Variants in CCDC187 observed in about 807,000 individuals in gnomAD.
CCDC187 encodes the protein coiled-coil domain containing 187, also known as coiled-coil domain-containing protein 187.
Under a neutral mutation model 38.0 loss-of-function variants are expected in CCDC187, and 32 were observed. The ratio of observed to expected loss-of-function variants is 0.84; its 90% CI spans 0.64 to 1.13. The LOEUF is 1.13. Among genes scored for constraint, CCDC187 ranks in the 50% most tolerant of loss-of-function variants. The pLI is 0.00. For missense variants in CCDC187, 707 were observed against 786.8 expected (o/e 0.90, Z 1.21); for synonymous variants, 333 against 347.9 (o/e 0.96, Z 0.48).
At chr9:136,300,367 A>G (rs973361080) in intron 2 of CCDC187, 49 bp from the exon 3 acceptor site, 3 of 398,062 alleles carry the variant, frequency 7.5e-6, no homozygotes, top group Non-Finnish European at 1.3e-5. Flanking sequence ...GAGATCCGCA[A>G]AGAACTTCCA....
chr9:136,290,922 C>T lies in CCDC187; in HGVS notation c.1691G>A (p.Arg564Lys), dbSNP rs1258198436. 3 of 398,574 alleles carry T rather than the reference C, an allele frequency of 7.5e-6. No homozygotes were observed. Among genetic ancestry groups the T allele is most frequent in the Non-Finnish European group, 1.3e-5 (3 of 226,140 alleles). The allele number at this position is 398,574 out of a possible 1,614,324, so 24.7% of individuals were successfully genotyped here. ...PGPRLRNPLE[R>K]PSPPAQRPWS... is the part of the protein sequence containing the mutation. ...GGGCCGCTGGGCTGGAGGACTGGGC[C>T]TTTCCAGAGGGTTCCGCAGTCTGGG... Residue 564 changes from arginine (R) to lysine (K), a missense_variant, in exon 6 of 26, where the codon AGG becomes AAG. Transcript: ENST00000638797.
intron 9 of CCDC187, among the ~76,000 whole-genome samples, chr9:136,283,713 G>T (rs939433708): frequency 1.3e-5 from 2 of 152,356 alleles, no homozygotes; most frequent in African/African-American, 4.8e-5. Flanking sequence ...TGCCAGGAAC[G>T]CTGAGACCTC....
intron 23 of CCDC187, 76 bp downstream of exon 23, chr9:136,256,629 G>A (rs1830615843): frequency 6.6e-6 from 1 of 152,342 alleles, no homozygotes; most frequent in Non-Finnish European, 1.5e-5. Flanking sequence ...GGATGGACCA[G>A]GAGACCCCTC....
chr9:136,286,478 A>G lies in CCDC187; in HGVS notation c.2440T>C (p.Ser814Pro), dbSNP rs1015453363. Residue 814 changes from serine (S) to proline (P), a missense_variant, in exon 8 of 26, where the codon TCC becomes CCC. Ser to Pro is a moderately conservative substitution (Grantham distance 74). Transcript: ENST00000638797. ...KEAEHLGTSS[S>P]LHLRHKQAQL... ...GCCTGCTTATGCCGGAGGTGCAGGGAGCTGGAAGTGCCCAGGTGCTCAGCC... is the reference window on the plus strand; with the variant it reads ...GCCTGCTTATGCCGGAGGTGCAGGGGGCTGGAAGTGCCCAGGTGCTCAGCC... The G allele has an allele frequency of 1.7e-4, 69 of 398,700 alleles. No individual in the cohort carries two copies. Among genetic ancestry groups the G allele is most frequent in the African/African-American group, 1.4e-3 (66 of 48,710 alleles). 24.7% of individuals were successfully genotyped at this position (398,700 alleles called of 1,614,324 possible).
intron 4 of CCDC187, among the ~76,000 whole-genome samples, chr9:136,293,426 C>T (rs1831418416): frequency 8.4e-5 from 3 of 35,530 alleles, no homozygotes; most frequent in South Asian, 5.9e-4. Context: ...CTCACATACT[C>T]TCACATGCTC....
In CCDC187 at chr9:136,254,328, C is replaced by G. The variant is rs1471713920; in HGVS notation, c.5500G>C (p.Ala1834Pro). The G allele has an allele frequency of 6.1e-6, 6 of 977,576 alleles. No individual in the cohort carries two copies. Among genetic ancestry groups the G allele is most frequent in the Non-Finnish European group, 7.3e-6 (6 of 823,218 alleles). The allele number at this position is 977,576 out of a possible 1,614,324, so 60.6% of individuals were successfully genotyped here. The change falls in exon 26 of 26, where the codon GCT becomes CCT. Residue 1834 changes from alanine to proline, a missense_variant. Transcript: ENST00000638797. ...GVRSGMEPQVALPSPWPGEGL... is the reference protein window; with the variant it reads ...GVRSGMEPQVPLPSPWPGEGL... Reference sequence around the variant, plus strand: ...TCCCCAGGCCATGGGGACGGAAGAGCCACCTGGGGCTCCATGCCGCTTCTG... The same window carrying G: ...TCCCCAGGCCATGGGGACGGAAGAGGCACCTGGGGCTCCATGCCGCTTCTG...
chr9:136,253,908 C>A lies in CCDC187; in HGVS notation c.5920G>T (p.Glu1974Ter), dbSNP rs1830580417. The change falls in exon 26 of 26, where the codon GAA becomes TAA. Residue 1974 changes from glutamate (E) to a stop codon, truncating the protein, a stop_gained. Transcript: ENST00000638797. LOFTEE classifies it low-confidence loss of function (END_TRUNC). Reference sequence around the variant, plus strand: ...TCACCGGCAAGTAGGGGACAGGCTTCCTCCAGGACAGTGGGGGCCCCATTC... The same window carrying A: ...TCACCGGCAAGTAGGGGACAGGCTTACTCCAGGACAGTGGGGGCCCCATTC... The part of the protein sequence containing the change: ...GGNGAPTVLE[E>*]ACPLLAGDVL... 1 of 906,466 alleles carries A rather than the reference C, an allele frequency of 1.1e-6. No homozygotes were observed. Among genetic ancestry groups the A allele is most frequent in the Non-Finnish European group, 1.3e-6 (1 of 757,734 alleles). 56.2% of individuals were successfully genotyped at this position (906,466 alleles called of 1,614,324 possible). A position where few individuals can be genotyped will look rare whatever the true frequency, so the allele number is the denominator to read the frequency against.
In CCDC187 at chr9:136,250,568, C is replaced by A. The variant is rs1225910818; in HGVS notation, c.*3026G>T. On this transcript the variant is annotated 3_prime_UTR_variant, in exon 26 of 26. Coordinates refer to ENST00000638797, the MANE Select transcript of CCDC187 (RefSeq NM_001378188.1). ...ATGGAAAAAAATAAAAAATCACAGACTAATTTGTTCAGAAGACTAGAAGGG... is the reference window on the plus strand; with the variant it reads ...ATGGAAAAAAATAAAAAATCACAGAATAATTTGTTCAGAAGACTAGAAGGG... 7 of 349,668 alleles carry A rather than the reference C, an allele frequency of 2.0e-5. No individual in the cohort carries two copies. The highest frequency in any genetic ancestry group is 3.4e-5 in the Non-Finnish European group (6 of 175,870). 21.7% of individuals were successfully genotyped at this position (349,668 alleles called of 1,614,324 possible). A position where few individuals can be genotyped will look rare whatever the true frequency, so the allele number is the denominator to read the frequency against.
chr9:136,272,761 C>T (rs1241488114), intron 14 of CCDC187, among the ~76,000 whole-genome samples: 2 of 151,474 alleles, frequency 1.3e-5, no homozygotes, highest in African/African-American at 2.4e-5. Context: ...GTGGTCCCAG[C>T]GACTTGGGAG....
rs1381962232 is a variant in CCDC187, at chr9:136,290,711, G to A, written c.1902C>T (p.His634=). The A allele has an allele frequency of 1.3e-5, 5 of 398,442 alleles. No homozygotes were observed. The highest frequency in any genetic ancestry group is 1.0e-4 in the African/African-American group (5 of 48,634). The allele number at this position is 398,442 out of a possible 1,614,324, so 24.7% of individuals were successfully genotyped here. A position where few individuals can be genotyped will look rare whatever the true frequency, so the allele number is the denominator to read the frequency against. ...TGAACTCCCGCAAGGACTCAGAGCTGTGCGAGGGTCCCAGGAGCCCCCGGG... is the reference window on the plus strand; with the variant it reads ...TGAACTCCCGCAAGGACTCAGAGCTATGCGAGGGTCCCAGGAGCCCCCGGG... ...PRSRGLLGPS[H]SSESLREFMR... The change falls in exon 6 of 26, where the codon CAC becomes CAT. Residue 634 remains histidine, a synonymous_variant. Transcript: ENST00000638797.
At chr9:136,298,237 C>T (rs982424912) in intron 3 of CCDC187, among the ~76,000 whole-genome samples, 14 of 152,298 alleles carry the variant, frequency 9.2e-5, no homozygotes, top group East Asian at 3.9e-4. Flanking sequence ...AATGACTGGA[C>T]GGGCCAGGCC....
chr9:136,270,876 C>T (rs1830829003), intron 14 of CCDC187, among the ~76,000 whole-genome samples: 1 of 152,204 alleles, frequency 6.6e-6, no homozygotes, highest in South Asian at 2.1e-4. Context: ...ATGCTATACC[C>T]ACCGGTTATC....
chr9:136,285,046 T>C (rs1213164889), intron 9 of CCDC187, among the ~76,000 whole-genome samples: 1 of 152,002 alleles, frequency 6.6e-6, no homozygotes, highest in Non-Finnish European at 1.5e-5. Flanking sequence ...GGAAGGGGCT[T>C]CAGATGTACC....
chr9:136,263,594 G>A (rs1333381812), intron 18 of CCDC187, 28 bp downstream of exon 18: 2 of 985,178 alleles, frequency 2.0e-6, no homozygotes, highest in African/African-American at 3.5e-5. Flanking sequence ...TTCTGCAGCT[G>A]AGTCCCAGCC....
Position 136,294,217 on chromosome 9 carries a change from C to T in CCDC187, c.833-1922G>A, listed in dbSNP as rs887478135. On this transcript the variant is annotated intron_variant, in intron 4 of 25. Transcript: ENST00000638797. ...ACATGTGCTCTCACACACACTCACA[C>T]GCTCATATACACACGCCCTCACGTG... Among the ~76,000 whole-genome samples the T allele has an allele frequency of 3.8e-3, 571 of 151,640 alleles. 4 individuals are homozygous for T. Among genetic ancestry groups the T allele is most frequent in the African/African-American group, 0.013 (554 of 41,278 alleles).
chr9:136,276,041 T>C (rs970153956), intron 12 of CCDC187, among the ~76,000 whole-genome samples, 153 bp downstream of exon 12: 6 of 152,138 alleles, frequency 3.9e-5, no homozygotes, highest in African/African-American at 1.4e-4. Context: ...GAGACTTTGC[T>C]TTAAAGGGAG....
In CCDC187 at chr9:136,298,277, G is replaced by A. The variant is rs1474822445; in HGVS notation, c.725-456C>T. 5.3e-5 allele frequency among the ~76,000 whole-genome samples: 8 copies of A among 152,312 alleles called. No individual in the cohort carries two copies. In the East Asian group the frequency reaches 1.4e-3, roughly 26 times the overall value. On this transcript the variant is annotated intron_variant, in intron 3 of 25. Coordinates refer to ENST00000638797, the MANE Select transcript of CCDC187 (RefSeq NM_001378188.1). ...GTGAATGCACAGAGTGGCAGCGGCCGGACTGAACATCTCTGGGACCAGGGC... is the reference window on the plus strand; with the variant it reads ...GTGAATGCACAGAGTGGCAGCGGCCAGACTGAACATCTCTGGGACCAGGGC...
At chr9:136,293,227 A>ATG (rs1831390135) in intron 4 of CCDC187, among the ~76,000 whole-genome samples, 1 of 144,692 alleles carries the variant, frequency 6.9e-6, no homozygotes, top group African/African-American at 2.7e-5. Flanking sequence ...ACACACTCAC[A>ATG]CTCACACGCT....
intron 19 of CCDC187, among the ~76,000 whole-genome samples, chr9:136,260,893 T>C (rs62579902): frequency 0.12 from 17,995 of 152,220 alleles, 1,299 homozygotes; most frequent in Admixed American, 0.2. Flanking sequence ...TGGGAGGGCA[T>C]CTTGACGCCA....
Sources: allele counts gnomAD v4.1 joint callset (sites outside exome capture counted in the v4.1 genomes callset), GRCh38; gene constraint gnomAD v4.1.1; transcripts MANE v1.5; gene names NCBI Gene and HGNC (gene_info 2026-07-23, HGNC 2026-07-21).